PKNOX2: variants seen among roughly 807,000 people sequenced by gnomAD.
The protein encoded by PKNOX2 is homeobox protein PKNOX2.
Under a neutral mutation model 53.1 loss-of-function variants are expected in PKNOX2, and 14 were observed. That is an observed-to-expected ratio of 0.26 (90% CI 0.17 to 0.41). The LOEUF (loss-of-function observed/expected upper bound fraction) is 0.41. PKNOX2 is among the 10% of genes least tolerant of loss of function. PKNOX2 has a pLI of 1.00. For missense variants in PKNOX2, 496 were observed against 602.8 expected (o/e 0.82, Z 1.85); for synonymous variants, 257 against 242.8 (o/e 1.06, Z -0.54).
intron 1 of PKNOX2, among the ~76,000 whole-genome samples, chr11:125,223,172 T>C (rs1941386041): frequency 6.6e-6 from 1 of 152,132 alleles, no homozygotes; most frequent in Non-Finnish European, 1.5e-5. Flanking sequence ...AACTCTCTCC[T>C]AGGCCAACCC....
intron 2 of PKNOX2, among the ~76,000 whole-genome samples, chr11:125,288,819 C>T (rs1947102123): frequency 6.6e-6 from 1 of 152,192 alleles, no homozygotes; most frequent in Non-Finnish European, 1.5e-5. Context: ...TCAACCCAGA[C>T]CCCCTGAATC....
intron 10 of PKNOX2, among the ~76,000 whole-genome samples, chr11:125,424,526 T>C (rs962818069): frequency 6.6e-6 from 1 of 151,772 alleles, no homozygotes; most frequent in East Asian, 2.0e-4. Flanking sequence ...CAGCAGCCCA[T>C]GGCCCCACAG....
chr11:125,281,309 A>G (rs1157494367), intron 2 of PKNOX2, among the ~76,000 whole-genome samples: 1 of 152,100 alleles, frequency 6.6e-6, no homozygotes, highest in Non-Finnish European at 1.5e-5. Context: ...ATGTTCCCTC[A>G]ATGCCTTCCT....
At chr11:125,244,963 G>A (rs1943446497) in intron 2 of PKNOX2, among the ~76,000 whole-genome samples, 1 of 152,084 alleles carries the variant, frequency 6.6e-6, no homozygotes, top group South Asian at 2.1e-4. Flanking sequence ...GGGAGACTGG[G>A]TGAATTTAAT....
At chr11:125,371,633 G>A (rs971476026) in intron 5 of PKNOX2, among the ~76,000 whole-genome samples, 27 of 152,078 alleles carry the variant, frequency 1.8e-4, no homozygotes, top group African/African-American at 6.5e-4. Flanking sequence ...CAGGAGCTAG[G>A]CCTGGCCAGG....
chr11:125,320,976 T>C (rs1949485621), intron 2 of PKNOX2, among the ~76,000 whole-genome samples: 1 of 152,200 alleles, frequency 6.6e-6, no homozygotes. Flanking sequence ...GGATGATATA[T>C]TGTGGGGTCA....
intron 1 of PKNOX2, among the ~76,000 whole-genome samples, chr11:125,234,580 C>T (rs535585324): frequency 6.6e-4 from 100 of 152,292 alleles, no homozygotes; most frequent in Middle Eastern, 3.4e-3. Context: ...ACAGGGTCAG[C>T]GTTGTCGTTT....
chr11:125,323,891 T>C (rs963625352), intron 2 of PKNOX2, among the ~76,000 whole-genome samples: 28 of 151,728 alleles, frequency 1.8e-4, no homozygotes, highest in African/African-American at 6.8e-4. Context: ...ACTGATGTCT[T>C]TGTGACTGTG....
In PKNOX2 at chr11:125,367,924, G is replaced by A. The variant is rs750776152; in HGVS notation, c.166G>A (p.Val56Met). The change falls in exon 5 of 13, where the codon GTG becomes ATG. Residue 56 changes from valine to methionine, a missense_variant. Physicochemically the swap from Val to Met is conservative, Grantham distance 21. Transcript: ENST00000298282. ...SAPSAAASTPVPSAPIDPQAQ... is the reference protein window; with the variant it reads ...SAPSAAASTPMPSAPIDPQAQ... ...CCCCTCAGCTGCTGCCAGCACACCT[G>A]TGCCCAGTGCCCCCATCGACCCCCA... 5 of 1,613,604 alleles carry A rather than the reference G, an allele frequency of 3.1e-6. No individual in the cohort carries two copies. Among genetic ancestry groups the A allele is most frequent in the Admixed American group, 1.7e-5 (1 of 59,982 alleles).
intron 2 of PKNOX2, among the ~76,000 whole-genome samples, chr11:125,270,610 C>A (rs1466785716): frequency 6.6e-6 from 1 of 152,084 alleles, no homozygotes; most frequent in Non-Finnish European, 1.5e-5. Flanking sequence ...AATGAGGGGA[C>A]AGCTAATACA....
intron 2 of PKNOX2, among the ~76,000 whole-genome samples, chr11:125,271,376 A>T (rs541109359): frequency 5.8e-4 from 89 of 152,292 alleles, no homozygotes; most frequent in African/African-American, 2.0e-3. Flanking sequence ...CTTTCCGGAC[A>T]TCTCCATTGC....
At chr11:125,197,394 A>G (rs1565466887) in intron 1 of PKNOX2, among the ~76,000 whole-genome samples, 2 of 152,160 alleles carry the variant, frequency 1.3e-5, no homozygotes, top group Non-Finnish European at 2.9e-5. Context: ...CCTCCCCACG[A>G]GGTCTTTGAA....
At chr11:125,411,153 A>T in intron 9 of PKNOX2, 1 of 385,884 alleles carries the variant, frequency 2.6e-6, no homozygotes, top group Non-Finnish European at 4.8e-6. Context: ...AGTGGTAGAG[A>T]GTGCACACAC....
intron 2 of PKNOX2, among the ~76,000 whole-genome samples, chr11:125,250,188 CTACAGGTG>C (rs1321655883): frequency 5.3e-5 from 8 of 151,824 alleles, no homozygotes; most frequent in African/African-American, 1.9e-4. Context: ...GTAGCTGGGA[CTACAGGTG>C]CATGCCACCA....
intron 7 of PKNOX2, among the ~76,000 whole-genome samples, chr11:125,399,319 T>A (rs1249482617): frequency 3.3e-5 from 5 of 152,202 alleles, no homozygotes; most frequent in African/African-American, 1.2e-4. Flanking sequence ...TCCTTCAGAG[T>A]CTTATTGTAC....
chr11:125,232,916 A>G (rs1380066622), intron 1 of PKNOX2, among the ~76,000 whole-genome samples: 1 of 150,854 alleles, frequency 6.6e-6, no homozygotes, highest in East Asian at 1.9e-4. Context: ...TTTTTAATGT[A>G]AGAGTGGGAT....
At chr11:125,257,019 T>C (rs959615014) in intron 2 of PKNOX2, among the ~76,000 whole-genome samples, 15 of 151,858 alleles carry the variant, frequency 9.9e-5, no homozygotes, top group African/African-American at 3.6e-4. Flanking sequence ...TTTTTTTTTT[T>C]CCTTCTTCTT....
In PKNOX2 at chr11:125,410,236, C is replaced by T; in HGVS notation, c.629C>T (p.Ser210Phe). 1.2e-6 allele frequency: 2 copies of T among 1,614,080 alleles called. No homozygotes were observed. Among genetic ancestry groups the T allele is most frequent in the Non-Finnish European group, 1.7e-6 (2 of 1,179,990 alleles). Residue 210 changes from serine to phenylalanine, a missense_variant, in exon 8 of 13, where the codon TCC becomes TTC. Coordinates refer to ENST00000298282, the MANE Select transcript of PKNOX2 (RefSeq NM_001382323.2). ...TCCCCCAATTCCATGTCCGGAGTCT[C>T]CAATAACCCCCAGGGGATTGTGGTC... ...QNSPNSMSGV[S>F]NNPQGIVVPA...
At chr11:125,185,069 C>G (rs1956366429) in intron 1 of PKNOX2, among the ~76,000 whole-genome samples, 1 of 152,168 alleles carries the variant, frequency 6.6e-6, no homozygotes, top group Non-Finnish European at 1.5e-5. Flanking sequence ...TGAGTCCCAC[C>G]CTGTTTGCAG....
Sources: gnomAD v4.1 joint callset for allele counts (sites outside exome capture counted in the v4.1 genomes callset) on GRCh38, gnomAD v4.1.1 for gene constraint, MANE v1.5 for transcripts, NCBI Gene and HGNC (gene_info 2026-07-23, HGNC 2026-07-21) for gene names.